DLG2: variants seen among roughly 807,000 people sequenced by gnomAD.
The protein encoded by DLG2 is disks large homolog 2.
In DLG2, 45 loss-of-function variants were observed where a neutral mutation model predicts 132.5. That is an observed-to-expected ratio of 0.34 (90% confidence interval 0.27 to 0.44). DLG2 has a LOEUF of 0.44. Among genes scored for constraint, DLG2 ranks in the 20% least tolerant of loss-of-function variants. The pLI is 1.00. For missense variants in DLG2, 1,045 were observed against 1,196.9 expected (o/e 0.87, Z 1.87); for synonymous variants, 424 against 419.6 (o/e 1.01, Z -0.13).
At chr11:84,133,686 G>C (rs2094502251) in intron 9 of DLG2, among the ~76,000 whole-genome samples, 2 of 151,824 alleles carry the variant, frequency 1.3e-5, no homozygotes, top group South Asian at 2.1e-4. Flanking sequence ...TTGCTATGTT[G>C]CCCAGGCTAG....
At chr11:85,059,771 G>C (rs768983084) in intron 6 of DLG2, among the ~76,000 whole-genome samples, 1 of 151,570 alleles carries the variant, frequency 6.6e-6, no homozygotes, top group East Asian at 1.9e-4. Flanking sequence ...GTTAGTGATT[G>C]ACAAAGTCCA....
At chr11:85,500,285 G>A (rs1195117721) in intron 3 of DLG2, among the ~76,000 whole-genome samples, 6 of 139,572 alleles carry the variant, frequency 4.3e-5, no homozygotes, top group East Asian at 2.0e-4. Flanking sequence ...GTAAACTATC[G>A]CAAGAACAAA....
chr11:83,686,919 G>A (rs1221958097), intron 18 of DLG2, among the ~76,000 whole-genome samples: 1 of 152,174 alleles, frequency 6.6e-6, no homozygotes, highest in Non-Finnish European at 1.5e-5. Flanking sequence ...AATTGTTGCA[G>A]ATGTTATTAG....
intron 7 of DLG2, among the ~76,000 whole-genome samples, chr11:84,410,034 T>G (rs557093409): frequency 9.2e-5 from 14 of 152,294 alleles, no homozygotes; most frequent in African/African-American, 3.4e-4. Flanking sequence ...ATACAGTACA[T>G]GAATGACAAA....
chr11:85,482,943 T>C (rs1352914589), intron 3 of DLG2, among the ~76,000 whole-genome samples: 1 of 152,218 alleles, frequency 6.6e-6, no homozygotes, highest in Non-Finnish European at 1.5e-5. Flanking sequence ...ATATCTGCTA[T>C]ATAAGATATC....
At chr11:84,932,161 G>T (rs1018437776) in intron 6 of DLG2, among the ~76,000 whole-genome samples, 36 of 152,184 alleles carry the variant, frequency 2.4e-4, no homozygotes, top group African/African-American at 8.7e-4. Context: ...TGTTGCAATT[G>T]CTTTTGGCAT....
chr11:83,509,891 C>A (rs550639258), intron 21 of DLG2, among the ~76,000 whole-genome samples: 31 of 152,160 alleles, frequency 2.0e-4, no homozygotes, highest in Non-Finnish European at 3.7e-4. Flanking sequence ...ATTTCTTGAG[C>A]GCGTAGTATG....
intron 17 of DLG2, among the ~76,000 whole-genome samples, chr11:83,803,806 TCAAA>T (rs1326599178): frequency 1.3e-5 from 2 of 152,102 alleles, no homozygotes; most frequent in Non-Finnish European, 2.9e-5. Flanking sequence ...GACATATCTG[TCAAA>T]CAGTCCACTC....
chr11:83,967,222 G>C (rs758762488), intron 12 of DLG2, among the ~76,000 whole-genome samples: 1 of 152,044 alleles, frequency 6.6e-6, no homozygotes, highest in Non-Finnish European at 1.5e-5. Context: ...TTACAAGGTG[G>C]TGATTTCATC....
chr11:84,686,579 G>A (rs2099738327), intron 6 of DLG2, among the ~76,000 whole-genome samples: 1 of 146,580 alleles, frequency 6.8e-6, no homozygotes, highest in African/African-American at 2.5e-5. Context: ...TTAGGCAATT[G>A]AACTATATTT....
chr11:83,816,149 A>G (rs2048844319), intron 17 of DLG2, among the ~76,000 whole-genome samples: 1 of 152,182 alleles, frequency 6.6e-6, no homozygotes, highest in Admixed American at 6.5e-5. Context: ...AGAGTGGAAC[A>G]TATAGCTTAG....
intron 6 of DLG2, among the ~76,000 whole-genome samples, chr11:84,972,201 A>T (rs1018461604): frequency 6.6e-6 from 1 of 152,220 alleles, no homozygotes; most frequent in African/African-American, 2.4e-5. Flanking sequence ...AGTGAACAGA[A>T]TAGAGCCTCA....
At chr11:85,318,150 T>C (rs1350516929) in intron 3 of DLG2, among the ~76,000 whole-genome samples, 1 of 151,938 alleles carries the variant, frequency 6.6e-6, no homozygotes, top group Non-Finnish European at 1.5e-5. Flanking sequence ...CAATAACTTG[T>C]CAAATTTATA....
intron 3 of DLG2, among the ~76,000 whole-genome samples, chr11:85,423,241 A>C (rs898925793): frequency 1.3e-5 from 2 of 152,242 alleles, no homozygotes; most frequent in East Asian, 3.9e-4. Flanking sequence ...CAAGTCTACC[A>C]AGTACTGAGG....
intron 10 of DLG2, among the ~76,000 whole-genome samples, chr11:84,066,562 C>G (rs1282237919): frequency 1.3e-5 from 2 of 152,238 alleles, no homozygotes; most frequent in East Asian, 3.9e-4. Context: ...GAGTTCGAGA[C>G]CAGCCTGGCC....
chr11:85,302,479 T>C (rs946787961), intron 3 of DLG2, among the ~76,000 whole-genome samples: 2 of 152,010 alleles, frequency 1.3e-5, no homozygotes, highest in African/African-American at 4.8e-5. Context: ...TTCTGAAGGA[T>C]TTCCTACAGA....
chr11:83,809,439 G>A lies in DLG2; in HGVS notation c.1723-22647C>T, dbSNP rs188304150. On this transcript the variant is annotated intron_variant, in intron 17 of 27. Coordinates refer to ENST00000376104, the MANE Select transcript of DLG2 (RefSeq NM_001142699.3). ...GTAGGGCTTCTGGAGAAACTCCTTAGGATTTATAGGTCTCTGGAGCTTCTT... is the reference window on the plus strand; with the variant it reads ...GTAGGGCTTCTGGAGAAACTCCTTAAGATTTATAGGTCTCTGGAGCTTCTT... Among the ~76,000 whole-genome samples, 153 of 152,282 alleles carry A rather than the reference G, an allele frequency of 1.0e-3. 1 individual carries two copies. The highest frequency in any genetic ancestry group is 3.6e-3 in the African/African-American group (149 of 41,554).
intron 3 of DLG2, among the ~76,000 whole-genome samples, chr11:85,413,642 A>C (rs1336517470): frequency 6.6e-6 from 1 of 151,842 alleles, no homozygotes; most frequent in African/African-American, 2.4e-5. Context: ...TTATTCCAGC[A>C]CCATTTGTTG....
At chr11:84,814,840 G>C (rs781060076) in intron 6 of DLG2, among the ~76,000 whole-genome samples, 2 of 152,060 alleles carry the variant, frequency 1.3e-5, no homozygotes, top group Non-Finnish European at 2.9e-5. Flanking sequence ...ATAACAATAT[G>C]GAAAGAGGTT....
Sources: allele counts gnomAD v4.1 joint callset (sites outside exome capture counted in the v4.1 genomes callset), GRCh38; gene constraint gnomAD v4.1.1; transcripts MANE v1.5; gene names NCBI Gene and HGNC (gene_info 2026-07-23, HGNC 2026-07-21).